The following PTPRD variants were observed in gnomAD, a reference collection of about 807,000 sequenced individuals.
The protein encoded by PTPRD is receptor-type tyrosine-protein phosphatase delta.
Under a neutral mutation model 214.5 loss-of-function variants are expected in PTPRD, and 34 were observed. That is an observed-to-expected ratio of 0.16 (90% confidence interval 0.12 to 0.21). PTPRD has a LOEUF of 0.21. Among genes scored for constraint, PTPRD ranks in the 10% least tolerant of loss-of-function variants. The probability of loss-of-function intolerance (pLI) is 1.00; values close to 1 mark genes in which losing one functional copy is unlikely to be tolerated. For missense variants in PTPRD, 2,545 were observed against 2,398.7 expected (o/e 1.06, Z -1.27); for synonymous variants, 1,128 against 845.7 (o/e 1.33, Z -5.79).
At position 9,747,273 on chromosome 9, in the gene PTPRD, C is replaced by T. The variant is rs902741188; in HGVS notation, c.-325-12702G>A. Among the ~76,000 whole-genome samples, 8 of 152,138 alleles carry T rather than the reference C, an allele frequency of 5.3e-5. No homozygotes were observed. In the East Asian group the frequency reaches 7.8e-4, roughly 15 times the overall value. ...AGCTTCTGTTCAGGCTCATGATTTC[C>T]GATATGAAATAAATATGGGGCTAAA... On this transcript the variant is annotated intron_variant, in intron 6 of 45. Transcript: ENST00000381196.
intron 32 of PTPRD, among the ~76,000 whole-genome samples, chr9:8,464,290 T>A (rs1210578241): frequency 6.6e-6 from 1 of 151,994 alleles, no homozygotes; most frequent in Non-Finnish European, 1.5e-5. Flanking sequence ...CATTTTTGAA[T>A]AAAAGAAAAA....
At chr9:9,888,535 C>G (rs139493065) in intron 5 of PTPRD, among the ~76,000 whole-genome samples, 2 of 152,200 alleles carry the variant, frequency 1.3e-5, no homozygotes, top group Middle Eastern at 3.4e-3. Context: ...TGAGTGAGAT[C>G]TAGCTCTATG....
chr9:9,479,835 A>G (rs750663295), intron 8 of PTPRD, among the ~76,000 whole-genome samples: 6 of 152,138 alleles, frequency 3.9e-5, no homozygotes, highest in Admixed American at 1.3e-4. Context: ...TTAAACATCA[A>G]GTAAGTATAA....
At chr9:9,469,123 T>A (rs899643426) in intron 8 of PTPRD, among the ~76,000 whole-genome samples, 1 of 152,152 alleles carries the variant, frequency 6.6e-6, no homozygotes, top group African/African-American at 2.4e-5. Flanking sequence ...TTTTGAAGAC[T>A]TAGTATGAAA....
intron 4 of PTPRD, among the ~76,000 whole-genome samples, chr9:10,012,014 C>A (rs938898544): frequency 3.3e-5 from 5 of 151,874 alleles, no homozygotes; most frequent in African/African-American, 1.2e-4. Flanking sequence ...TTAAATCCTT[C>A]TTTTTCAATT....
At chr9:8,924,373 C>T (rs113043712) in intron 11 of PTPRD, among the ~76,000 whole-genome samples, 117 of 152,262 alleles carry the variant, frequency 7.7e-4, no homozygotes, top group African/African-American at 2.7e-3. Context: ...AAGAAAAATA[C>T]AAAACCTAGT....
intron 8 of PTPRD, among the ~76,000 whole-genome samples, chr9:9,475,969 G>T (rs941717266): frequency 6.6e-6 from 1 of 151,776 alleles, no homozygotes; most frequent in South Asian, 2.1e-4. Flanking sequence ...TAAAATCTTA[G>T]GTAGAACTCC....
chr9:8,872,690 A>G lies in PTPRD; in HGVS notation c.-103-138744T>C, dbSNP rs190504194. On this transcript the variant is annotated intron_variant, in intron 11 of 45. Transcript: ENST00000381196. ...GTCTGTTCTGTTATCACTTTTTAAA[A>G]ATAAATCTATCATTCTTTCTTTCTT... Among the ~76,000 whole-genome samples, 1,426 of 152,344 alleles carry G rather than the reference A, an allele frequency of 9.4e-3. 26 individuals are homozygous for G. Among genetic ancestry groups the G allele is most frequent in the African/African-American group, 0.032 (1,339 of 41,586 alleles).
chr9:9,112,232 G>A (rs1193215849), intron 10 of PTPRD, among the ~76,000 whole-genome samples: 1 of 152,096 alleles, frequency 6.6e-6, no homozygotes, highest in Non-Finnish European at 1.5e-5. Context: ...ATCTCACTGG[G>A]TGCCCTCCTC....
At chr9:10,028,262 G>A (rs568407138) in intron 4 of PTPRD, among the ~76,000 whole-genome samples, 89 of 152,284 alleles carry the variant, frequency 5.8e-4, no homozygotes, top group Middle Eastern at 3.4e-3. Context: ...GGAACTGTAA[G>A]TCTATTAAAC....
chr9:9,801,483 T>G (rs939434350), intron 5 of PTPRD, among the ~76,000 whole-genome samples: 1 of 152,110 alleles, frequency 6.6e-6, no homozygotes, highest in African/African-American at 2.4e-5. Flanking sequence ...GAGGCTCTTA[T>G]TACACCTCTT....
intron 11 of PTPRD, among the ~76,000 whole-genome samples, chr9:8,887,582 T>C (rs561960937): frequency 6.6e-6 from 1 of 152,168 alleles, no homozygotes; most frequent in Non-Finnish European, 1.5e-5. Flanking sequence ...GCCCTATAAA[T>C]CACATCTCTC....
intron 11 of PTPRD, among the ~76,000 whole-genome samples, chr9:8,769,082 A>G (rs1022196245): frequency 6.6e-6 from 1 of 152,224 alleles, no homozygotes; most frequent in Admixed American, 6.5e-5. Flanking sequence ...TCAATGATTT[A>G]TGAATCACCC....
intron 10 of PTPRD, among the ~76,000 whole-genome samples, chr9:9,049,439 A>C (rs1052144037): frequency 6.6e-6 from 1 of 152,162 alleles, no homozygotes; most frequent in Admixed American, 6.6e-5. Flanking sequence ...AAATATAAAT[A>C]TTTGTCTTTC....
chr9:9,593,788 T>C (rs2093009198), intron 7 of PTPRD, among the ~76,000 whole-genome samples: 1 of 152,052 alleles, frequency 6.6e-6, no homozygotes, highest in Non-Finnish European at 1.5e-5. Flanking sequence ...GGAGTAAGAA[T>C]TTCCATTCAC....
At chr9:9,970,428 T>G (rs1212436234) in intron 4 of PTPRD, among the ~76,000 whole-genome samples, 1 of 76,956 alleles carries the variant, frequency 1.3e-5, no homozygotes, top group Non-Finnish European at 2.5e-5. Flanking sequence ...AGACTCCTTC[T>G]CAAAAAAAAA....
chr9:10,360,842 C>T (rs963270315), intron 2 of PTPRD, among the ~76,000 whole-genome samples: 1 of 152,146 alleles, frequency 6.6e-6, no homozygotes, highest in African/African-American at 2.4e-5. Context: ...GTGGCTCACG[C>T]CTGTAATCCC....
intron 3 of PTPRD, among the ~76,000 whole-genome samples, chr9:10,122,452 A>G (rs143269447): frequency 6.6e-6 from 1 of 152,216 alleles, no homozygotes; most frequent in Non-Finnish European, 1.5e-5. Context: ...CTACCGTGGG[A>G]AAGTATGGTT....
intron 5 of PTPRD, among the ~76,000 whole-genome samples, chr9:9,776,282 G>C (rs1467348682): frequency 6.6e-6 from 1 of 152,016 alleles, no homozygotes; most frequent in Non-Finnish European, 1.5e-5. Flanking sequence ...AATTCTTTCA[G>C]TACTAAGTTC....
Sources: allele counts gnomAD v4.1 joint callset (sites outside exome capture counted in the v4.1 genomes callset), GRCh38; gene constraint gnomAD v4.1.1; transcripts MANE v1.5; gene names NCBI Gene and HGNC (gene_info 2026-07-23, HGNC 2026-07-21).